The following PTPN3 variants were observed in gnomAD, a reference collection of about 807,000 sequenced individuals.
The protein encoded by PTPN3 is tyrosine-protein phosphatase non-receptor type 3.
Under a neutral mutation model 132.7 loss-of-function variants are expected in PTPN3, and 96 were observed. That is an observed-to-expected ratio of 0.72 (90% CI 0.61 to 0.86). The LOEUF (loss-of-function observed/expected upper bound fraction) is 0.86, where lower values mean the gene tolerates loss of function less well. Among genes scored for constraint, PTPN3 ranks in the 40% least tolerant of loss-of-function variants. PTPN3 has a pLI of 0.00. For synonymous variants in PTPN3, 398 were observed against 429.0 expected, an observed-to-expected ratio of 0.93 and a Z score of 0.89; for missense variants, 1,125 against 1,159.6, an observed-to-expected ratio of 0.97 and a Z score of 0.43.
the PTPN3 span, among the ~76,000 whole-genome samples, chr9:109,525,747 T>C: frequency 6.6e-6 from 1 of 152,152 alleles, no homozygotes; most frequent in African/African-American, 2.4e-5. Context: ...TAGTCGTTTT[T>C]GCAGAAGGGC....
At chr9:109,421,751 C>T (rs1024896215) in intron 13 of PTPN3, among the ~76,000 whole-genome samples, 1 of 152,268 alleles carries the variant, frequency 6.6e-6, no homozygotes, top group Non-Finnish European at 1.5e-5. Context: ...ATCACTGTCC[C>T]TTCCCAGAGC....
rs1043380793 is a variant in PTPN3 at position 109,380,643 on chromosome 9, T to C, written c.2664+1009A>G. Among the ~76,000 whole-genome samples, 9 of 152,356 alleles carry C rather than the reference T, an allele frequency of 5.9e-5. No homozygotes were observed. The East Asian group carries it at 9.6e-4, about 16-fold the overall frequency. On this transcript the variant is annotated intron_variant, in intron 25 of 25. Coordinates refer to ENST00000374541, the MANE Select transcript of PTPN3 (RefSeq NM_002829.4). ...CCATACCAAAAAACAGGGCAGAGAA[T>C]GGCCCTAATAACATAAGCTGATTTT...
chr9:109,458,051 G>A (rs1476718081), intron 2 of PTPN3, among the ~76,000 whole-genome samples: 1 of 152,196 alleles, frequency 6.6e-6, no homozygotes, highest in African/African-American at 2.4e-5. Context: ...CCATGTTTAT[G>A]GGGCAGGCAC....
At position 109,398,329 on chromosome 9, in the gene PTPN3, C is replaced by T. The variant is rs933580793; in HGVS notation, c.1953+6119G>A. On this transcript the variant is annotated intron_variant, in intron 19 of 25. Transcript: ENST00000374541. Reference sequence around the variant, plus strand: ...ATACAATTGCTCTCATTAATTTCTACAGGTGTCAATTTAAACCTCTTATAA... The same window carrying T: ...ATACAATTGCTCTCATTAATTTCTATAGGTGTCAATTTAAACCTCTTATAA... Among the ~76,000 whole-genome samples the T allele has an allele frequency of 2.6e-5, 4 of 152,230 alleles. 1 individual carries two copies. The highest frequency in any genetic ancestry group is 5.9e-5 in the Non-Finnish European group (4 of 68,036).
chr9:109,492,254 T>A (rs553447010), intron 1 of PTPN3, among the ~76,000 whole-genome samples: 1 of 151,570 alleles, frequency 6.6e-6, no homozygotes, highest in African/African-American at 2.4e-5. Flanking sequence ...CTTGAGCTGA[T>A]GTGGCTGAGG....
chr9:109,533,674 C>G, the PTPN3 span: 2 of 1,486,176 alleles, frequency 1.3e-6, no homozygotes, highest in Non-Finnish European at 1.8e-6. Flanking sequence ...TGTCAGCACC[C>G]TCCATCACTT....
At chr9:109,503,124 G>A (rs1024409641), upstream of PTPN3, among the ~76,000 whole-genome samples, 1 of 152,062 alleles carries the variant, frequency 6.6e-6, no homozygotes, top group African/African-American at 2.4e-5. Context: ...GTAAAGAGAG[G>A]GAAAATGACT....
At chr9:109,512,399 T>C in the PTPN3 span, among the ~76,000 whole-genome samples, 13 of 152,270 alleles carry the variant, frequency 8.5e-5, no homozygotes, top group South Asian at 2.7e-3. Flanking sequence ...CCAAACACAC[T>C]TTTCTCACTC....
At chr9:109,526,402 G>A in the PTPN3 span, among the ~76,000 whole-genome samples, 2 of 152,028 alleles carry the variant, frequency 1.3e-5, no homozygotes, top group East Asian at 1.9e-4. Flanking sequence ...GCTGGGTGCA[G>A]TGGCTCATTC....
the PTPN3 span, among the ~76,000 whole-genome samples, chr9:109,514,319 G>T: frequency 6.6e-6 from 1 of 152,078 alleles, no homozygotes; most frequent in African/African-American, 2.4e-5. Context: ...AACTTGCAAT[G>T]TAGGCTCTCC....
At chr9:109,534,632 C>CAAAAAAAAA in the PTPN3 span, among the ~76,000 whole-genome samples, 54 of 108,630 alleles carry the variant, frequency 5.0e-4, no homozygotes, top group East Asian at 1.6e-3. Context: ...CAAAAAAATA[C>CAAAAAAAAA]AAAAAAAAAA....
At chr9:109,436,127 T>C (rs1028676643) in intron 9 of PTPN3, among the ~76,000 whole-genome samples, 3 of 152,222 alleles carry the variant, frequency 2.0e-5, no homozygotes, top group East Asian at 1.9e-4. Flanking sequence ...GGCTAGTATA[T>C]AGTAGGTGCT....
chr9:109,434,873 G>A (rs908520029), intron 9 of PTPN3, among the ~76,000 whole-genome samples: 2 of 152,182 alleles, frequency 1.3e-5, no homozygotes, highest in African/African-American at 4.8e-5. Flanking sequence ...ATTCCCCTTT[G>A]CCGTGGGACA....
At chr9:109,485,020 G>A (rs1399977479) in intron 1 of PTPN3, among the ~76,000 whole-genome samples, 2 of 152,044 alleles carry the variant, frequency 1.3e-5, no homozygotes, top group African/African-American at 4.8e-5. Flanking sequence ...CTTGAGTCCA[G>A]GAGTGCAAGA....
intron 1 of PTPN3, among the ~76,000 whole-genome samples, chr9:109,473,937 G>A (rs1846510133): frequency 6.6e-6 from 1 of 150,874 alleles, no homozygotes; most frequent in Non-Finnish European, 1.5e-5. Context: ...AAGAGTTTTA[G>A]GAAATCTGAT....
chr9:109,490,885 T>A, intron 1 of PTPN3, among the ~76,000 whole-genome samples: 5 of 144,740 alleles, frequency 3.5e-5, no homozygotes, highest in Non-Finnish European at 6.0e-5. Flanking sequence ...AAAAAGGACA[T>A]CACTAAGACA....
intron 1 of PTPN3, among the ~76,000 whole-genome samples, chr9:109,479,444 C>A (rs1442513706): frequency 6.6e-6 from 1 of 152,216 alleles, no homozygotes; most frequent in Non-Finnish European, 1.5e-5. Context: ...TGCCTTCTGG[C>A]TATTGTGAAT....
the PTPN3 span, among the ~76,000 whole-genome samples, chr9:109,538,212 G>GT: frequency 1.3e-3 from 197 of 152,328 alleles, 1 homozygote; most frequent in South Asian, 2.3e-3. Flanking sequence ...TTTAAATGCA[G>GT]TTTTTGAAAG....
chr9:109,505,342 G>C, the PTPN3 span, among the ~76,000 whole-genome samples: 1 of 152,198 alleles, frequency 6.6e-6, no homozygotes, highest in Non-Finnish European at 1.5e-5. Context: ...ATGTGTCCAT[G>C]GTTCACTGCA....
Sources: allele counts gnomAD v4.1 joint callset (sites outside exome capture counted in the v4.1 genomes callset), GRCh38; gene constraint gnomAD v4.1.1; transcripts MANE v1.5; gene names NCBI Gene and HGNC (gene_info 2026-07-23, HGNC 2026-07-21).